Variants in TENM4 observed in about 807,000 individuals in gnomAD.
TENM4 encodes the protein teneurin-4.
A neutral mutation model predicts 243.3 loss-of-function variants in TENM4; 82 were observed. That is an observed-to-expected ratio of 0.34 (90% confidence interval 0.28 to 0.40). TENM4 has a LOEUF of 0.40. TENM4 is among the 10% of genes least tolerant of loss of function. TENM4 has a pLI of 1.00. For synonymous variants in TENM4, 1,412 were observed against 1,456.3 expected (o/e 0.97, Z 0.69); for missense variants, 3,138 against 3,673.3 (o/e 0.85, Z 3.77).
intron 1 of TENM4, among the ~76,000 whole-genome samples, chr11:79,395,229 A>C (rs1858318378): frequency 6.6e-6 from 1 of 152,128 alleles, no homozygotes; most frequent in African/African-American, 2.4e-5. Context: ...CACATCAGCT[A>C]TTTTCCTTCC....
chr11:78,852,476 A>G (rs1475623618), intron 12 of TENM4, among the ~76,000 whole-genome samples: 1 of 151,962 alleles, frequency 6.6e-6, no homozygotes, highest in South Asian at 2.1e-4. Flanking sequence ...CTTGAGCCCA[A>G]GAGTTTGACC....
intron 30 of TENM4, among the ~76,000 whole-genome samples, chr11:78,674,923 C>A (rs1287619165): frequency 1.3e-5 from 2 of 151,504 alleles, no homozygotes; most frequent in African/African-American, 4.9e-5. Context: ...TGGAGTGCAG[C>A]GGCGCGATCT....
At chr11:78,750,849 TTGTGTGTGTGTGTG>T (rs72172542) in intron 19 of TENM4, among the ~76,000 whole-genome samples, 3 of 145,776 alleles carry the variant, frequency 2.1e-5, no homozygotes, top group African/African-American at 5.1e-5. Flanking sequence ...CAAATGAGGC[TTGTGTGTGTGTGTG>T]TGTGTGTGTG....
intron 8 of TENM4, among the ~76,000 whole-genome samples, chr11:78,890,511 C>T (rs1311566388): frequency 6.6e-6 from 1 of 152,194 alleles, no homozygotes; most frequent in African/African-American, 2.4e-5. Context: ...TTGGAATACC[C>T]TTCTTTTTAA....
At chr11:78,762,002 C>T (rs1298371866) in intron 18 of TENM4, among the ~76,000 whole-genome samples, 1 of 152,180 alleles carries the variant, frequency 6.6e-6, no homozygotes. Context: ...GAATCCAGGG[C>T]TCCCTTGTCT....
In TENM4 at chr11:79,010,208, C is replaced by A. The variant is rs181448584; in HGVS notation, c.493+54530G>T. On this transcript the variant is annotated intron_variant, in intron 6 of 33. Transcript: ENST00000278550. ...TCTTTCCTGTCCTTCTCCTTACCTA[C>A]CTGGCTACCTTTACATGATACTTTT... Among the ~76,000 whole-genome samples the A allele has an allele frequency of 2.0e-5, 3 of 152,284 alleles. No individual in the cohort carries two copies. The South Asian group carries it at 6.2e-4, about 32-fold the overall frequency.
chr11:79,030,857 C>T (rs141711178), intron 6 of TENM4, among the ~76,000 whole-genome samples: 2 of 152,214 alleles, frequency 1.3e-5, no homozygotes, highest in Admixed American at 1.3e-4. Context: ...TCTCAGCAGG[C>T]CCCCGCCAAG....
At chr11:79,172,367 C>T (rs143240208) in intron 3 of TENM4, among the ~76,000 whole-genome samples, 7 of 152,260 alleles carry the variant, frequency 4.6e-5, no homozygotes, top group Non-Finnish European at 7.4e-5. Flanking sequence ...CCAGGGACAC[C>T]GTTATTCATT....
At chr11:79,277,832 T>C (rs547493904) in intron 2 of TENM4, among the ~76,000 whole-genome samples, 74 of 152,238 alleles carry the variant, frequency 4.9e-4, no homozygotes, top group African/African-American at 1.8e-3. Context: ...CTTCTTTATT[T>C]TGATGGCTAG....
intron 28 of TENM4, among the ~76,000 whole-genome samples, chr11:78,693,962 C>T (rs1447619984): frequency 6.6e-6 from 1 of 152,078 alleles, no homozygotes; most frequent in Non-Finnish European, 1.5e-5. Context: ...TTGCCGTGAG[C>T]CGAGATCGCA....
intron 1 of TENM4, among the ~76,000 whole-genome samples, chr11:79,301,543 A>G (rs149151874): frequency 0.015 from 2,339 of 152,306 alleles, 54 homozygotes; most frequent in African/African-American, 0.053. Flanking sequence ...TTTGCAGCAC[A>G]TCTCACAACT....
intron 10 of TENM4, among the ~76,000 whole-genome samples, chr11:78,861,347 C>T (rs1056804264): frequency 1.3e-5 from 2 of 152,082 alleles, no homozygotes; most frequent in African/African-American, 4.8e-5. Context: ...AAAAGGACTC[C>T]CAGAAAGTGT....
At chr11:79,417,811 C>T (rs1236013191) in intron 1 of TENM4, among the ~76,000 whole-genome samples, 4 of 152,196 alleles carry the variant, frequency 2.6e-5, no homozygotes, top group Non-Finnish European at 5.9e-5. Context: ...GGAACCTCCA[C>T]ACCTTTTCTC....
At chr11:79,012,430 A>G (rs1354119663) in intron 6 of TENM4, among the ~76,000 whole-genome samples, 1 of 152,116 alleles carries the variant, frequency 6.6e-6, no homozygotes, top group Non-Finnish European at 1.5e-5. Flanking sequence ...AGTACCTACC[A>G]TGTGCCAGGC....
chr11:79,054,502 C>CTT (rs35951915), intron 6 of TENM4, among the ~76,000 whole-genome samples: 4 of 144,106 alleles, frequency 2.8e-5, no homozygotes, highest in Admixed American at 7.0e-5. Context: ...CAGGTACCAT[C>CTT]TTTTTTTTTT....
chr11:78,764,628 A>C (rs1377286395), intron 18 of TENM4, among the ~76,000 whole-genome samples: 1 of 152,176 alleles, frequency 6.6e-6, no homozygotes, highest in African/African-American at 2.4e-5. Flanking sequence ...CTACAGGAGG[A>C]GCTCATCCCT....
chr11:78,732,934 G>A (rs118125423), intron 20 of TENM4, among the ~76,000 whole-genome samples: 1,630 of 152,282 alleles, frequency 0.011, 39 homozygotes, highest in South Asian at 0.016. Context: ...ATAAAGTAGG[G>A]CAAGCCTTGA....
At chr11:79,072,077 G>A (rs776451576) in intron 4 of TENM4, among the ~76,000 whole-genome samples, 10 of 152,120 alleles carry the variant, frequency 6.6e-5, no homozygotes, top group Admixed American at 2.6e-4. Context: ...CCCAATAGCT[G>A]GCAAGATGAT....
At chr11:79,252,120 T>C (rs1437555543) in intron 2 of TENM4, among the ~76,000 whole-genome samples, 1 of 152,254 alleles carries the variant, frequency 6.6e-6, no homozygotes, top group African/African-American at 2.4e-5. Context: ...TTTTGCTTTC[T>C]GAAGGTGGCC....
Sources: gnomAD v4.1 joint callset for allele counts (sites outside exome capture counted in the v4.1 genomes callset) on GRCh38, gnomAD v4.1.1 for gene constraint, MANE v1.5 for transcripts, NCBI Gene and HGNC (gene_info 2026-07-23, HGNC 2026-07-21) for gene names.